The following PTX3 variants were observed in gnomAD, a reference collection of about 807,000 sequenced individuals.
The protein encoded by PTX3 is pentraxin 3, also known as pentraxin-related protein PTX3.
Under a neutral mutation model 23.5 loss-of-function variants are expected in PTX3, and 24 were observed. The ratio of observed to expected loss-of-function variants is 1.02; its 90% confidence interval spans 0.74 to 1.43. The LOEUF (loss-of-function observed/expected upper bound fraction) is 1.43, where lower values mean the gene tolerates loss of function less well. Among genes scored for constraint, PTX3 ranks in the 40% most tolerant of loss-of-function variants. The pLI, the probability that PTX3 is intolerant of heterozygous loss-of-function variation, is 0.00. For synonymous variants in PTX3, 218 were observed against 205.4 expected, an observed-to-expected ratio of 1.06 and a Z score of -0.53; for missense variants, 510 against 497.5, an observed-to-expected ratio of 1.02 and a Z score of -0.24.
In PTX3 at chr3:157,437,861, G is replaced by C. The variant is rs772552612; in HGVS notation, c.479G>C (p.Arg160Pro). Residue 160 changes from arginine (R) to proline (P), a missense_variant, in exon 2 of 3, where the codon CGA becomes CCA. Arg to Pro is a moderately radical substitution (Grantham distance 103). Coordinates refer to ENST00000295927, the MANE Select transcript of PTX3 (RefSeq NM_002852.4). The stretch of plus-strand genomic sequence containing the variant: ...GTGCTAGAGGAGCTGCGGCAGACGC[G>C]AGCCGACCTGCACGCGGTGCAGGGC... ...AAVLEELRQT[R>P]ADLHAVQGWA... 9 of 1,499,984 alleles carry C rather than the reference G, an allele frequency of 6.0e-6. No homozygotes were observed. The highest frequency in any genetic ancestry group is 1.5e-5 in the African/African-American group (1 of 68,904). 92.9% of individuals were successfully genotyped at this position (1,499,984 alleles called of 1,614,324 possible).
rs940011981 is a variant in PTX3, at chr3:157,437,763, G to T, written c.381G>T (p.Ala127=). ...LDELLQATRD[A]GRRLARMEGA... ...AGCTGCTGCAGGCGACCCGCGACGC[G>T]GGCCGCAGGCTGGCGCGTATGGAGG... The change falls in exon 2 of 3, where the codon GCG becomes GCT. Residue 127 remains alanine, a synonymous_variant. Coordinates refer to ENST00000295927, the MANE Select transcript of PTX3 (RefSeq NM_002852.4). 6.7e-6 allele frequency: 10 copies of T among 1,486,984 alleles called. No homozygotes were observed. In the Admixed American group the frequency reaches 9.4e-5, roughly 14 times the overall value. 92.1% of individuals were successfully genotyped at this position (1,486,984 alleles called of 1,614,324 possible).
Position 157,437,742 on chromosome 3 carries a change from G to A in PTX3, c.360G>A (p.Leu120=), listed in dbSNP as rs1733737374. 1.3e-6 allele frequency: 2 copies of A among 1,496,776 alleles called. No individual in the cohort carries two copies. The highest frequency in any genetic ancestry group is 1.3e-5 in the South Asian group (1 of 79,770). The allele number at this position is 1,496,776 out of a possible 1,614,324, so 92.7% of individuals were successfully genotyped here. Residue 120 remains leucine (L), a synonymous_variant, in exon 2 of 3, where the codon CTG becomes CTA. Transcript: ENST00000295927. ...EARLTSALDE[L]LQATRDAGRR... is the part of the protein sequence containing the mutation. ...GGCTGACCAGTGCTCTGGACGAGCT[G>A]CTGCAGGCGACCCGCGACGCGGGCC... is the stretch of plus-strand genomic sequence containing the variant.
Position 157,437,601 on chromosome 3 carries a change from G to T in PTX3, c.219G>T (p.Leu73=). 4 of 1,575,094 alleles carry T rather than the reference G, an allele frequency of 2.5e-6. No homozygotes were observed. The highest frequency in any genetic ancestry group is 3.4e-6 in the Non-Finnish European group (4 of 1,162,812). The part of the protein sequence containing the change: ...LENSQMRERM[L]LQATDDVLRG... ...ACTCGCAGATGAGAGAGCGCATGCT[G>T]CTGCAAGCCACGGACGACGTCCTGC... The change falls in exon 2 of 3, where the codon CTG becomes CTT. Residue 73 remains leucine (L), a synonymous_variant. Coordinates refer to ENST00000295927, the MANE Select transcript of PTX3 (RefSeq NM_002852.4).
Position 157,443,094 on chromosome 3 carries a change from G to A in PTX3, c.*115G>A. On this transcript the variant is annotated 3_prime_UTR_variant, in exon 3 of 3. Coordinates refer to ENST00000295927, the MANE Select transcript of PTX3 (RefSeq NM_002852.4). ...AGGAACACTTGAGACTAATGAAAGAGAGAGTTGAGACCAATCTTTATTTGT... is the reference window on the plus strand; with the variant it reads ...AGGAACACTTGAGACTAATGAAAGAAAGAGTTGAGACCAATCTTTATTTGT... 8.1e-7 allele frequency: 1 copy of A among 1,238,816 alleles called. No individual in the cohort carries two copies. Among genetic ancestry groups the A allele is most frequent in the South Asian group, 1.6e-5 (1 of 62,616 alleles). 76.7% of individuals were successfully genotyped at this position (1,238,816 alleles called of 1,614,324 possible). A position where few individuals can be genotyped will look rare whatever the true frequency, so the allele number is the denominator to read the frequency against.
chr3:157,442,227 T>G (rs780820202), intron 2 of PTX3, 139 bp from the exon 3 acceptor site: 48 of 789,024 alleles, frequency 6.1e-5, no homozygotes, highest in Non-Finnish European at 9.0e-5. Context: ...CAGTGGAAGC[T>G]TCTTAAGTCG....
chr3:157,439,236 A>C (rs1733918771), intron 2 of PTX3, among the ~76,000 whole-genome samples: 1 of 152,226 alleles, frequency 6.6e-6, no homozygotes, highest in Non-Finnish European at 1.5e-5. Context: ...AATGCACCTG[A>C]AAAACCGAAG....
Position 157,437,913 on chromosome 3 carries a change from A to AGGT in PTX3, c.532_532+2dup. On this transcript the variant is annotated inframe_insertion and splice_region_variant, in exon 2 of 3. Transcript: ENST00000295927. ...GGGCTGCCCGGAGCTGGCTGCCGGC[A>AGGT]GGTAAGGAGGCAAGCGGGGCCGGGA... is the stretch of plus-strand genomic sequence containing the variant. 1 of 1,526,300 alleles carries AGGT rather than the reference A, an allele frequency of 6.6e-7. No homozygotes were observed. Among genetic ancestry groups the AGGT allele is most frequent in the South Asian group, 1.2e-5 (1 of 83,362 alleles). 94.5% of individuals were successfully genotyped at this position (1,526,300 alleles called of 1,614,324 possible). A position where few individuals can be genotyped will look rare whatever the true frequency, so the allele number is the denominator to read the frequency against.
In PTX3 at chr3:157,437,504, G is replaced by C. The variant is rs2109189171; in HGVS notation, c.131-9G>C. On this transcript the variant is annotated splice_polypyrimidine_tract_variant and intron_variant, in intron 1 of 2. Coordinates refer to ENST00000295927, the MANE Select transcript of PTX3 (RefSeq NM_002852.4). ...CGGGCTGCTAACGTGTGTGTATCCC[G>C]TACTCTAGCCACGCCGTGCGCCTGC... The C allele has an allele frequency of 6.2e-7, 1 of 1,600,140 alleles. No homozygotes were observed. The highest frequency in any genetic ancestry group is 2.3e-5 in the East Asian group (1 of 44,004).
At chr3:157,438,081 C>T (rs1339385557) in intron 2 of PTX3, among the ~76,000 whole-genome samples, 167 bp downstream of exon 2, 1 of 150,354 alleles carries the variant, frequency 6.7e-6, no homozygotes, top group Non-Finnish European at 1.5e-5. Context: ...ACCCCTATTT[C>T]TGCATGCGCG....
rs1457767936 is a variant in PTX3, at chr3:157,437,834, C to T, written c.452C>T (p.Ala151Val). 7 of 1,470,750 alleles carry T rather than the reference C, an allele frequency of 4.8e-6. No homozygotes were observed. Among genetic ancestry groups the T allele is most frequent in the Non-Finnish European group, 1.8e-6 (2 of 1,124,242 alleles). 91.1% of individuals were successfully genotyped at this position (1,470,750 alleles called of 1,614,324 possible). Residue 151 changes from alanine (A) to valine (V), a missense_variant, in exon 2 of 3, where the codon GCG becomes GTG. Transcript: ENST00000295927. The part of the protein sequence containing the change: ...RPEEAGRALA[A>V]VLEELRQTRA... ...GAGGAGGCGGGGCGCGCCCTGGCCG[C>T]GGTGCTAGAGGAGCTGCGGCAGACG...
chr3:157,438,069 A>ACACACACACACACACACACACACC (rs1237245016), intron 2 of PTX3, among the ~76,000 whole-genome samples, 155 bp downstream of exon 2: 1 of 149,564 alleles, frequency 6.7e-6, no homozygotes, highest in African/African-American at 2.5e-5. Context: ...ACACACACAC[A>ACACACACACACACACACACACACC]CACCCCTATT....
At chr3:157,438,031 G>GCACACACACACA (rs1213951055) in intron 2 of PTX3, 117 bp downstream of exon 2, 1 of 819,914 alleles carries the variant, frequency 1.2e-6, no homozygotes, top group African/African-American at 2.1e-5. Flanking sequence ...GCGCGCGCGC[G>GCACACACACACA]CGCGCGCACA....
rs1012583548 is a variant in PTX3, at chr3:157,440,478, G to T, written c.533-1888G>T. ...TTCTTTCTCTTTACCAGTTATTCTGGAACCATTCTGGGAGTTTGCTTTTCA... is the reference window on the plus strand; with the variant it reads ...TTCTTTCTCTTTACCAGTTATTCTGTAACCATTCTGGGAGTTTGCTTTTCA... On this transcript the variant is annotated intron_variant, in intron 2 of 2. Coordinates refer to ENST00000295927, the MANE Select transcript of PTX3 (RefSeq NM_002852.4). 2.0e-5 allele frequency among the ~76,000 whole-genome samples: 3 copies of T among 151,916 alleles called. No individual in the cohort carries two copies. In the South Asian group the frequency reaches 6.2e-4, roughly 32 times the overall value.
chr3:157,442,864 G>A lies in PTX3; in HGVS notation c.1031G>A (p.Ser344Asn), dbSNP rs1734245696. ...TTCAATATCTGGGATAGTGTTCTTA[G>A]CAATGAAGAGATAAGAGAGACCGGA... ...TGFNIWDSVL[S>N]NEEIRETGGA... is the part of the protein sequence containing the mutation. The change falls in exon 3 of 3, where the codon AGC (serine) becomes AAC (asparagine). Residue 344 changes from serine to asparagine, a missense_variant. Transcript: ENST00000295927. 6.2e-7 allele frequency: 1 copy of A among 1,614,090 alleles called. No individual in the cohort carries two copies.
rs149263788 is a variant in PTX3 at position 157,439,532 on chromosome 3, C to A, written c.532+1618C>A. 1.4e-3 allele frequency among the ~76,000 whole-genome samples: 218 copies of A among 152,196 alleles called. 1 individual carries two copies. Among genetic ancestry groups the A allele is most frequent in the African/African-American group, 5.1e-3 (211 of 41,514 alleles). Reference sequence around the variant, plus strand: ...TGACATTTTAAAGAGGTATTAAGAGCCTCGTTTTTGGGTATCCCTGGTCCC... The same window carrying A: ...TGACATTTTAAAGAGGTATTAAGAGACTCGTTTTTGGGTATCCCTGGTCCC... On this transcript the variant is annotated intron_variant, in intron 2 of 2. Coordinates refer to ENST00000295927, the MANE Select transcript of PTX3 (RefSeq NM_002852.4).
chr3:157,438,279 C>G (rs946180157), intron 2 of PTX3, among the ~76,000 whole-genome samples: 9 of 152,060 alleles, frequency 5.9e-5, no homozygotes, highest in African/African-American at 2.2e-4. Flanking sequence ...AACCGTGATC[C>G]CTCTTGCCGC....
In PTX3 at chr3:157,437,630, G is replaced by A. The variant is rs148943471; in HGVS notation, c.248G>A (p.Gly83Asp). ...LLQATDDVLR[G>D]ELQRLREELG... ...CAAGCCACGGACGACGTCCTGCGGG[G>A]CGAGCTGCAGAGGCTGCGGGAGGAG... The change falls in exon 2 of 3, where the codon GGC becomes GAC. Residue 83 changes from glycine (G) to aspartate (D), a missense_variant. By Grantham distance (94) the Gly-to-Asp change is moderately conservative. Transcript: ENST00000295927. 1.3e-6 allele frequency: 2 copies of A among 1,555,404 alleles called. No individual in the cohort carries two copies. Among genetic ancestry groups the A allele is most frequent in the Admixed American group, 1.9e-5 (1 of 51,910 alleles).
intron 2 of PTX3, among the ~76,000 whole-genome samples, chr3:157,441,801 C>T (rs1208457116): frequency 3.5e-5 from 5 of 143,134 alleles, no homozygotes; most frequent in Non-Finnish European, 7.6e-5. Flanking sequence ...CAGAGTGAGA[C>T]TCTGTCTCAA....
chr3:157,437,027 A>C lies in PTX3; in HGVS notation c.94A>C (p.Asn32His). 1 of 1,614,148 alleles carries C rather than the reference A, an allele frequency of 6.2e-7. No individual in the cohort carries two copies. Residue 32 changes from asparagine (N) to histidine (H), a missense_variant, in exon 1 of 3, where the codon AAC becomes CAC. Transcript: ENST00000295927. The part of the protein sequence containing the change: ...DYDLMYVNLD[N>H]EIDNGLHPTE... The stretch of plus-strand genomic sequence containing the variant: ...TGATCTCATGTATGTGAATTTGGAC[A>C]ACGAAATAGACAATGGACTCCATCC...
Sources: allele counts gnomAD v4.1 joint callset (sites outside exome capture counted in the v4.1 genomes callset), GRCh38; gene constraint gnomAD v4.1.1; transcripts MANE v1.5; gene names NCBI Gene and HGNC (gene_info 2026-07-23, HGNC 2026-07-21).